Variants in ATG2B observed in about 807,000 individuals in gnomAD.
The protein encoded by ATG2B is autophagy-related protein 2 homolog B.
ATG2B carries 121 observed loss-of-function variants against 241.3 expected under a neutral mutation model. The ratio of observed to expected loss-of-function variants is 0.50; its 90% CI spans 0.43 to 0.58. ATG2B has a LOEUF of 0.58. Among genes scored for constraint, ATG2B ranks in the 20% least tolerant of loss-of-function variants. The probability of loss-of-function intolerance (pLI) is 0.00; values close to 1 mark genes in which losing one functional copy is unlikely to be tolerated. For missense variants in ATG2B, 2,306 were observed against 2,491.6 expected (o/e 0.93, Z 1.59); for synonymous variants, 858 against 876.6 (o/e 0.98, Z 0.37).
At chr14:96,337,218 A>G (rs1300998193) in intron 6 of ATG2B, among the ~76,000 whole-genome samples, 1 of 152,162 alleles carries the variant, frequency 6.6e-6, no homozygotes, top group Non-Finnish European at 1.5e-5. Context: ...AACATCTACA[A>G]CTAGGGAGAT....
chr14:96,332,029 G>C (rs1887750004), intron 10 of ATG2B, among the ~76,000 whole-genome samples: 1 of 152,000 alleles, frequency 6.6e-6, no homozygotes, highest in Non-Finnish European at 1.5e-5. Flanking sequence ...AAAATCACAT[G>C]ATTGACTGAG....
At chr14:96,340,763 C>A (rs973258340) in intron 6 of ATG2B, among the ~76,000 whole-genome samples, 16 of 151,430 alleles carry the variant, frequency 1.1e-4, no homozygotes, top group African/African-American at 1.7e-4. Flanking sequence ...AAACATAATA[C>A]AAAAATTAGC....
intron 10 of ATG2B, 61 bp downstream of exon 10, chr14:96,332,244 G>A: frequency 1.5e-6 from 2 of 1,300,850 alleles, no homozygotes; most frequent in Non-Finnish European, 1.1e-6. Flanking sequence ...AAAAGCACCA[G>A]TAGAATGGCA....
At chr14:96,308,284 T>TATATATA (rs1566720015) in intron 29 of ATG2B, among the ~76,000 whole-genome samples, 12 of 42,984 alleles carry the variant, frequency 2.8e-4, no homozygotes, top group Non-Finnish European at 4.5e-4. Flanking sequence ...ATATATATAT[T>TATATATA]TTTTTTTTTT....
chr14:96,315,655 T>A, intron 21 of ATG2B, 72 bp from the exon 22 acceptor site: 1 of 1,245,606 alleles, frequency 8.0e-7, no homozygotes, highest in Non-Finnish European at 1.1e-6. Context: ...CTTACATGAC[T>A]CAAAACAAAA....
chr14:96,321,596 C>T (rs1408062218), intron 18 of ATG2B, among the ~76,000 whole-genome samples: 1 of 152,096 alleles, frequency 6.6e-6, no homozygotes, highest in African/African-American at 2.4e-5. Context: ...AGTCTATGAC[C>T]TAGAATTCCA....
At chr14:96,286,176 A>C (rs968727651) in intron 41 of ATG2B, among the ~76,000 whole-genome samples, 191 bp from the exon 42 acceptor site, 2 of 152,214 alleles carry the variant, frequency 1.3e-5, no homozygotes, top group African/African-American at 4.8e-5. Context: ...ACTATAAGGG[A>C]AAGAGGCAAT....
intron 18 of ATG2B, among the ~76,000 whole-genome samples, chr14:96,319,654 T>C (rs2139867859): frequency 6.6e-6 from 1 of 152,316 alleles, no homozygotes; most frequent in South Asian, 2.1e-4. Context: ...GATTATATGG[T>C]AGTACGTATC....
At chr14:96,361,669 T>C (rs977697232) in intron 1 of ATG2B, among the ~76,000 whole-genome samples, 3 of 151,976 alleles carry the variant, frequency 2.0e-5, no homozygotes, top group Non-Finnish European at 2.9e-5. Context: ...CTCAGGTGAA[T>C]TGCTAAGTCC....
At chr14:96,355,587 T>G (rs1250977888) in intron 1 of ATG2B, among the ~76,000 whole-genome samples, 1 of 152,162 alleles carries the variant, frequency 6.6e-6, no homozygotes, top group Non-Finnish European at 1.5e-5. Context: ...CTGTGACCAT[T>G]AATGAGGTAA....
At chr14:96,349,541 G>A (rs1888259651) in intron 1 of ATG2B, among the ~76,000 whole-genome samples, 1 of 152,180 alleles carries the variant, frequency 6.6e-6, no homozygotes, top group Non-Finnish European at 1.5e-5. Flanking sequence ...GGCACAGATA[G>A]CAACACTGAG....
intron 2 of ATG2B, 61 bp from the exon 3 acceptor site, chr14:96,345,446 T>C: frequency 8.0e-7 from 1 of 1,243,804 alleles, no homozygotes; most frequent in Non-Finnish European, 1.1e-6. Context: ...TGCCAGTTCT[T>C]AAAATAATAC....
In ATG2B at chr14:96,279,304, G is replaced by A. The variant is rs944460129; in HGVS notation, c.*6451C>T. The A allele has an allele frequency of 2.6e-5, 4 of 152,180 alleles. No individual in the cohort carries two copies. The highest frequency in any genetic ancestry group is 1.9e-4 in the East Asian group (1 of 5,200). 9.4% of individuals were successfully genotyped at this position (152,180 alleles called of 1,614,324 possible). ...AGCTTACATTGAATAAAGGACATCTGTAAGTAGTAATCATGTGATCTTGGG... is the reference window on the plus strand; with the variant it reads ...AGCTTACATTGAATAAAGGACATCTATAAGTAGTAATCATGTGATCTTGGG... On this transcript the variant is annotated 3_prime_UTR_variant, in exon 42 of 42. Coordinates refer to ENST00000359933, the MANE Select transcript of ATG2B (RefSeq NM_018036.7).
chr14:96,288,916 A>C (rs1886410079), intron 41 of ATG2B, among the ~76,000 whole-genome samples: 1 of 152,108 alleles, frequency 6.6e-6, no homozygotes, highest in Non-Finnish European at 1.5e-5. Context: ...GACCCTAAAG[A>C]ATTTCTTGTA....
Position 96,291,666 on chromosome 14 carries a change from A to G in ATG2B, c.5513T>C (p.Ile1838Thr). 8.1e-6 allele frequency: 13 copies of G among 1,607,250 alleles called. No individual in the cohort carries two copies. Among genetic ancestry groups the G allele is most frequent in the Non-Finnish European group, 1.0e-5 (12 of 1,175,652 alleles). ...GTTTAACTGAGCCAGACCAATCAAA[A>G]TCCCAGCTAGCGTACCCTTCAAAAT... ...VSMDQGTLAGILIGLAQLNCS... is the reference protein window; with the variant it reads ...VSMDQGTLAGTLIGLAQLNCS... Residue 1838 changes from isoleucine (I) to threonine (T), a missense_variant, in exon 38 of 42, where the codon ATT becomes ACT. Physicochemically the swap from Ile to Thr is moderately conservative, Grantham distance 89. Transcript: ENST00000359933.
chr14:96,346,854 T>C lies in ATG2B; in HGVS notation c.325+325A>G, dbSNP rs143691541. Among the ~76,000 whole-genome samples the C allele has an allele frequency of 5.4e-3, 820 of 152,352 alleles. 27 individuals carry two copies. In the South Asian group the frequency reaches 0.067, roughly 12 times the overall value. On this transcript the variant is annotated intron_variant, in intron 2 of 41. Coordinates refer to ENST00000359933, the MANE Select transcript of ATG2B (RefSeq NM_018036.7). ...TCAATCCTGTGTCCCTTTAACATTT[T>C]TCCAACAATCTTTGAGCATTCTTCT...
In ATG2B at chr14:96,357,618, C is replaced by T. The variant is rs116314340; in HGVS notation, c.162+5197G>A. Among the ~76,000 whole-genome samples, 712 of 152,198 alleles carry T rather than the reference C, an allele frequency of 4.7e-3. 7 individuals carry two copies. The highest frequency in any genetic ancestry group is 0.017 in the African/African-American group (693 of 41,536). On this transcript the variant is annotated intron_variant, in intron 1 of 41. Coordinates refer to ENST00000359933, the MANE Select transcript of ATG2B (RefSeq NM_018036.7). ...CTAGAATTTCCTATTTCACCATCAA[C>T]TAGGTACCACAAGTTACGGTCATCA...
chr14:96,329,392 A>T, intron 12 of ATG2B, 92 bp downstream of exon 12: 1 of 866,254 alleles, frequency 1.2e-6, no homozygotes, highest in Non-Finnish European at 1.7e-6. Context: ...GGCTTTCTAT[A>T]CATTTTTAAA....
In ATG2B at chr14:96,285,273, C is replaced by T. The variant is rs1456982567; in HGVS notation, c.*482G>A. 1 of 157,612 alleles carries T rather than the reference C, an allele frequency of 6.3e-6. No homozygotes were observed. The highest frequency in any genetic ancestry group is 1.8e-4 in the East Asian group (1 of 5,486). 9.8% of individuals were successfully genotyped at this position (157,612 alleles called of 1,614,324 possible). A position where few individuals can be genotyped will look rare whatever the true frequency, so the allele number is the denominator to read the frequency against. ...TCAAGTGCATGAACACTAAATTCAACAGAATAGGTTATTTTTCCACACTGA... is the reference window on the plus strand; with the variant it reads ...TCAAGTGCATGAACACTAAATTCAATAGAATAGGTTATTTTTCCACACTGA... On this transcript the variant is annotated 3_prime_UTR_variant, in exon 42 of 42. Coordinates refer to ENST00000359933, the MANE Select transcript of ATG2B (RefSeq NM_018036.7). This position sits in a 1 kb window ranked among gnomAD's most constrained non-coding sequence, Gnocchi z 4.2.
Sources: allele counts gnomAD v4.1 joint callset (sites outside exome capture counted in the v4.1 genomes callset), GRCh38; gene constraint gnomAD v4.1.1; non-coding constraint Gnocchi (gnomAD v3.1); transcripts MANE v1.5; gene names NCBI Gene and HGNC (gene_info 2026-07-23, HGNC 2026-07-21).